The following SLC9A3 variants were observed in gnomAD, a reference collection of about 807,000 sequenced individuals.
SLC9A3 encodes sodium/hydrogen exchanger 3.
In SLC9A3, 37 loss-of-function variants were observed where a neutral mutation model predicts 86.8. That is an observed-to-expected ratio of 0.43 (90% CI 0.33 to 0.56). SLC9A3 has a LOEUF of 0.56. Among genes scored for constraint, SLC9A3 ranks in the 20% least tolerant of loss-of-function variants. The pLI, the probability that SLC9A3 is intolerant of heterozygous loss-of-function variation, is 0.06. For synonymous variants in SLC9A3, 581 were observed against 528.3 expected (o/e 1.10, Z -1.37); for missense variants, 1,011 against 1,171.9 (o/e 0.86, Z 2.00).
chr5:478,343 T>G (rs3734138), intron 10 of SLC9A3: 1 of 151,906 alleles, frequency 6.6e-6, no homozygotes, highest in African/African-American at 2.4e-5. Flanking sequence ...CGGTGCTAAC[T>G]GCCACTCTGG....
chr5:515,213 C>T (rs571807021), intron 1 of SLC9A3, among the ~76,000 whole-genome samples: 1 of 152,126 alleles, frequency 6.6e-6, no homozygotes, highest in Non-Finnish European at 1.5e-5. Context: ...CAGCCCTAAC[C>T]ACCCCCAGCA....
intron 1 of SLC9A3, among the ~76,000 whole-genome samples, chr5:500,108 G>A (rs1442833737): frequency 2.6e-5 from 4 of 152,256 alleles, no homozygotes; most frequent in African/African-American, 7.2e-5. Context: ...CGGCAACCCC[G>A]GCCCTGTGGG....
In SLC9A3 at chr5:484,626, T is replaced by A; in HGVS notation, c.826A>T (p.Thr276Ser). Residue 276 changes from threonine (T) to serine (S), a missense_variant, in exon 5 of 17, where the codon ACG becomes TCG. By Grantham distance (58) the Thr-to-Ser change is moderately conservative (BLOSUM62 1). Transcript: ENST00000264938. ...VVFAFLLSLV[T>S]RFTKHVRIIE... ...ATACGCACATGCTTGGTGAAGCGCG[T>A]CACCAGCGACAGCAGGAAGGCGAAG... 1 of 1,613,132 alleles carries A rather than the reference T, an allele frequency of 6.2e-7. No homozygotes were observed. Among genetic ancestry groups the A allele is most frequent in the Non-Finnish European group, 8.5e-7 (1 of 1,179,898 alleles).
rs1739744376 is a variant in SLC9A3, at chr5:491,621, G to T, written c.514+148C>A. On this transcript the variant is annotated intron_variant, in intron 2 of 16. Transcript: ENST00000264938. The surrounding 1 kb of genome is among the most constrained non-coding windows in gnomAD (Gnocchi z 9.2). Reference sequence around the variant, plus strand: ...CAGGGGACTGGCCTTGGTCACGAGGGCCTACGGGGCTGCCAGCCACGTTTC... The same window carrying T: ...CAGGGGACTGGCCTTGGTCACGAGGTCCTACGGGGCTGCCAGCCACGTTTC... The T allele has an allele frequency of 3.0e-6, 2 of 665,456 alleles. No individual in the cohort carries two copies. Among genetic ancestry groups the T allele is most frequent in the Admixed American group, 3.0e-5 (1 of 33,340 alleles). 41.2% of individuals were successfully genotyped at this position (665,456 alleles called of 1,614,324 possible).
intron 15 of SLC9A3, 99 bp from the exon 16 acceptor site, chr5:475,231 A>T (rs2247107): frequency 0.55 from 548,197 of 1,005,432 alleles, 115,273 homozygotes; most frequent in African/African-American, 0.71. Flanking sequence ...TTGGAAAGTT[A>T]GGGTCACCGG....
At chr5:513,273 C>A (rs183029208) in intron 1 of SLC9A3, among the ~76,000 whole-genome samples, 1 of 152,126 alleles carries the variant, frequency 6.6e-6, no homozygotes, top group Non-Finnish European at 1.5e-5. Flanking sequence ...TTTGGATTGG[C>A]AACATTTACC....
rs1738429476 is a variant in SLC9A3, at chr5:472,677, A to G, written c.*702T>C. ...AGACGGAAGACGTTCCTGCCACTTT[A>G]CCTGCAGTTCAAAGACCTGGCGAGG... On this transcript the variant is annotated 3_prime_UTR_variant, in exon 17 of 17. Transcript: ENST00000264938. 3.9e-6 allele frequency: 2 copies of G among 506,782 alleles called. No homozygotes were observed. The allele number at this position is 506,782 out of a possible 1,614,324, so 31.4% of individuals were successfully genotyped here. A position where few individuals can be genotyped will look rare whatever the true frequency, so the allele number is the denominator to read the frequency against.
chr5:508,939 T>C (rs1740749793), intron 1 of SLC9A3, among the ~76,000 whole-genome samples: 1 of 151,430 alleles, frequency 6.6e-6, no homozygotes, highest in South Asian at 2.1e-4. Context: ...TGAGACCCCG[T>C]CTCTACAAAA....
In SLC9A3 at chr5:496,938, C is replaced by T. The variant is rs1466680083; in HGVS notation, c.212-4867G>A. ...GGCATGGTGGCACACAACTGTAGTC[C>T]CAGCTACTCAGGAGGCCGAGGTGGG... On this transcript the variant is annotated intron_variant, in intron 1 of 16. Transcript: ENST00000264938. This position sits in a 1 kb window ranked among gnomAD's most constrained non-coding sequence, Gnocchi z 4.7. 1.3e-5 allele frequency among the ~76,000 whole-genome samples: 2 copies of T among 152,024 alleles called. No homozygotes were observed. The highest frequency in any genetic ancestry group is 2.9e-5 in the Non-Finnish European group (2 of 68,006).
At chr5:510,618 C>A (rs569422184) in intron 1 of SLC9A3, among the ~76,000 whole-genome samples, 1 of 152,244 alleles carries the variant, frequency 6.6e-6, no homozygotes, top group East Asian at 1.9e-4. Context: ...ATGCCCAGTG[C>A]ATTTTCAGGC....
chr5:509,421 T>G (rs962497683), intron 1 of SLC9A3, among the ~76,000 whole-genome samples: 2 of 144,442 alleles, frequency 1.4e-5, no homozygotes, highest in Non-Finnish European at 3.0e-5. Context: ...GCCACTGCAC[T>G]GCAGCCTGGG....
rs1738595767 is a variant in SLC9A3 at position 474,680 on chromosome 5, GGGTT to G, written c.2501+199_2501+202del. 1.0e-4 allele frequency among the ~76,000 whole-genome samples: 3 copies of G among 29,990 alleles called. 1 individual carries two copies. The highest frequency in any genetic ancestry group is 5.8e-4 in the Admixed American group (3 of 5,140). 19.7% of individuals were successfully genotyped at this position (29,990 alleles called of 152,430 possible). On this transcript the variant is annotated intron_variant, in intron 16 of 16. Transcript: ENST00000264938. The stretch of plus-strand genomic sequence containing the variant: ...CTGGAGGGAGAGGAGCTGCGGAGAG[GGGTT>G]AGGCGGGGAGAGAGAGAGCGAGCCA...
chr5:476,042 C>T lies in SLC9A3; in HGVS notation c.2118G>A (p.Gln706=). ...NGKLPMESPA[Q]NFTIKEKDLE... is the part of the protein sequence containing the mutation. ...CACCTTTCTCCTTGATGGTGAAATT[C>T]TGCGCAGGGCTCTCCATGGGCAGCT... is the stretch of plus-strand genomic sequence containing the variant. The change falls in exon 14 of 17, where the codon CAG becomes CAA. Residue 706 remains glutamine (Q), a synonymous_variant. Transcript: ENST00000264938. The T allele has an allele frequency of 1.2e-6, 2 of 1,612,876 alleles. No individual in the cohort carries two copies. The highest frequency in any genetic ancestry group is 1.7e-6 in the Non-Finnish European group (2 of 1,179,708).
rs1477759150 is a variant in SLC9A3, at chr5:472,571, A to G, written c.*808T>C. The G allele has an allele frequency of 1.7e-5, 6 of 355,374 alleles. No individual in the cohort carries two copies. The East Asian group carries it at 3.8e-4, about 23-fold the overall frequency. The allele number at this position is 355,374 out of a possible 1,614,324, so 22.0% of individuals were successfully genotyped here. ...CCGTGTCCGGGGCCGCCACCCTGAG[A>G]CCGGGCGCGGGCAGGACGGAACCTG... is the stretch of plus-strand genomic sequence containing the variant. On this transcript the variant is annotated 3_prime_UTR_variant, in exon 17 of 17. Transcript: ENST00000264938.
chr5:473,489 C>T, intron 16 of SLC9A3, 107 bp from the exon 17 acceptor site: 2 of 984,324 alleles, frequency 2.0e-6, no homozygotes, highest in East Asian at 3.4e-5. Context: ...CTCGCCTCCC[C>T]TCCCGCGGCG....
rs1740068280 is a variant in SLC9A3 at position 497,315 on chromosome 5, A to AGTC, written c.212-5247_212-5245dup. ...TGGCCGAATTCCCTCCAGGTGCAGG[A>AGTC]GTCGACGCCCCCCACTGCCCTCGAA... On this transcript the variant is annotated intron_variant, in intron 1 of 16. Coordinates refer to ENST00000264938, the MANE Select transcript of SLC9A3 (RefSeq NM_004174.4). This position sits in a 1 kb window ranked among gnomAD's most constrained non-coding sequence, Gnocchi z 5.4. 6.6e-6 allele frequency among the ~76,000 whole-genome samples: 1 copy of AGTC among 152,132 alleles called. No individual in the cohort carries two copies. Among genetic ancestry groups the AGTC allele is most frequent in the Admixed American group, 6.5e-5 (1 of 15,272 alleles).
chr5:482,475 G>T, intron 7 of SLC9A3, 73 bp downstream of exon 7: 1 of 1,267,814 alleles, frequency 7.9e-7, no homozygotes, highest in Non-Finnish European at 1.1e-6. Flanking sequence ...GGAAATGCTT[G>T]TCCTGAAGTG....
At chr5:519,636 ACCT>A (rs1417978977) in intron 1 of SLC9A3, among the ~76,000 whole-genome samples, 2 of 151,902 alleles carry the variant, frequency 1.3e-5, no homozygotes, top group African/African-American at 4.8e-5. Context: ...GGTGAGGACG[ACCT>A]CCTGCACCCA....
intron 1 of SLC9A3, among the ~76,000 whole-genome samples, chr5:500,833 G>A (rs1036188884): frequency 2.7e-5 from 4 of 149,202 alleles, no homozygotes; most frequent in African/African-American, 9.9e-5. Flanking sequence ...TGGGGCTGGT[G>A]GGTGTGGACG....
Sources: gnomAD v4.1 joint callset for allele counts (sites outside exome capture counted in the v4.1 genomes callset) on GRCh38, gnomAD v4.1.1 for gene constraint, Gnocchi (gnomAD v3.1) non-coding constraint, MANE v1.5 for transcripts, NCBI Gene and HGNC (gene_info 2026-07-23, HGNC 2026-07-21) for gene names.